TMEM151B: variants seen among roughly 807,000 people sequenced by gnomAD.
TMEM151B encodes transmembrane protein 193.
TMEM151B carries 18 observed loss-of-function variants against 33.0 expected under a neutral mutation model. The ratio of observed to expected loss-of-function variants is 0.55; its 90% CI spans 0.38 to 0.81. The LOEUF is 0.81. TMEM151B is among the 30% of genes least tolerant of loss of function. The probability of loss-of-function intolerance (pLI) is 0.00; values close to 1 mark genes in which losing one functional copy is unlikely to be tolerated. For missense variants in TMEM151B, 672 were observed against 843.4 expected, an observed-to-expected ratio of 0.80 and a Z score of 2.52; for synonymous variants, 354 against 373.6, an observed-to-expected ratio of 0.95 and a Z score of 0.61.
chr6:44,275,600 A>T lies in TMEM151B; in HGVS notation c.774A>T (p.Ala258=). ...AYLCQRARFF[A]ENEGLDDYME... The stretch of plus-strand genomic sequence containing the variant: ...TGTGCCAGCGCGCGCGCTTCTTCGC[A>T]GAGAACGAGGGCCTAGACGACTACA... The change falls in exon 3 of 3, where the codon GCA becomes GCT. Residue 258 remains alanine, a synonymous_variant. Coordinates refer to ENST00000451188, the MANE Select transcript of TMEM151B (RefSeq NM_001137560.2). 5 of 1,551,084 alleles carry T rather than the reference A, an allele frequency of 3.2e-6. No individual in the cohort carries two copies. The highest frequency in any genetic ancestry group is 4.4e-6 in the Non-Finnish European group (5 of 1,146,714).
intron 1 of TMEM151B, among the ~76,000 whole-genome samples, chr6:44,272,243 T>C (rs1188621026): frequency 6.6e-6 from 1 of 152,148 alleles, no homozygotes; most frequent in Non-Finnish European, 1.5e-5. Context: ...CCACATCCCC[T>C]ATGCCTGTCC....
In TMEM151B at chr6:44,275,675, C is replaced by T; in HGVS notation, c.849C>T (p.Phe283=). 6.4e-7 allele frequency: 1 copy of T among 1,551,150 alleles called. No individual in the cohort carries two copies. The highest frequency in any genetic ancestry group is 2.4e-5 in the East Asian group (1 of 40,904). ...MHLKNVDFRE[F]MVAFPDPARP... The stretch of plus-strand genomic sequence containing the variant: ...TCAAGAACGTGGACTTCCGTGAGTT[C>T]ATGGTGGCCTTCCCGGACCCGGCCC... Residue 283 remains phenylalanine (F), a synonymous_variant, in exon 3 of 3, where the codon TTC becomes TTT. Transcript: ENST00000451188.
intron 1 of TMEM151B, 122 bp from the exon 2 acceptor site, chr6:44,272,944 T>C (rs1451786268): frequency 3.4e-5 from 29 of 844,130 alleles, no homozygotes; most frequent in Non-Finnish European, 5.4e-6. Context: ...TCCCTGTTTC[T>C]CTCTGCCTGT....
intron 1 of TMEM151B, among the ~76,000 whole-genome samples, chr6:44,271,646 C>T (rs570862796): frequency 7.2e-5 from 11 of 152,148 alleles, no homozygotes; most frequent in African/African-American, 2.4e-4. Context: ...CGAAGGGGCC[C>T]GTATGTTCAT....
In TMEM151B at chr6:44,279,366, G is replaced by T. The variant is rs1782723876; in HGVS notation, c.*2839G>T. ...CTGTCAATTGGGTGCATCACACTGT[G>T]GCCTTTTTGTCGTGGATTTAAGCGC... On this transcript the variant is annotated 3_prime_UTR_variant, in exon 3 of 3. Coordinates refer to ENST00000451188, the MANE Select transcript of TMEM151B (RefSeq NM_001137560.2). 6.6e-6 allele frequency: 1 copy of T among 152,274 alleles called. No individual in the cohort carries two copies. The highest frequency in any genetic ancestry group is 2.4e-5 in the African/African-American group (1 of 41,432). The allele number at this position is 152,274 out of a possible 1,614,324, so 9.4% of individuals were successfully genotyped here. A position where few individuals can be genotyped will look rare whatever the true frequency, so the allele number is the denominator to read the frequency against.
At chr6:44,275,379 C>A (rs1012626543) in intron 2 of TMEM151B, 24 bp from the exon 3 acceptor site, 2 of 1,474,654 alleles carry the variant, frequency 1.4e-6, no homozygotes, top group Admixed American at 2.4e-5. Flanking sequence ...CCCGCGACCC[C>A]GCCGCCTGCC....
In TMEM151B at chr6:44,277,224, C is replaced by T. The variant is rs1782628229; in HGVS notation, c.*697C>T. ...AGAGGGACTGTGCTCACTGCACAGA[C>T]ATCACTCACCTTCCGCTCCCCAGTC... On this transcript the variant is annotated 3_prime_UTR_variant, in exon 3 of 3. Coordinates refer to ENST00000451188, the MANE Select transcript of TMEM151B (RefSeq NM_001137560.2). 1 of 152,374 alleles carries T rather than the reference C, an allele frequency of 6.6e-6. No homozygotes were observed. The allele number at this position is 152,374 out of a possible 1,614,324, so 9.4% of individuals were successfully genotyped here.
intron 1 of TMEM151B, among the ~76,000 whole-genome samples, chr6:44,271,361 G>A (rs1448591979): frequency 1.5e-5 from 1 of 68,386 alleles, no homozygotes; most frequent in East Asian, 3.2e-4. Context: ...GTGTGTGTGT[G>A]TGTGTGTGGG....
At chr6:44,271,262 G>A (rs1386990284) in intron 1 of TMEM151B, among the ~76,000 whole-genome samples, 1 of 151,518 alleles carries the variant, frequency 6.6e-6, no homozygotes, top group African/African-American at 2.4e-5. Context: ...AGAACGAGGA[G>A]GGTACCATGG....
chr6:44,271,076 G>A (rs1490312207), intron 1 of TMEM151B, among the ~76,000 whole-genome samples, 199 bp downstream of exon 1: 2 of 150,960 alleles, frequency 1.3e-5, no homozygotes. Flanking sequence ...GGCCGCGCCG[G>A]GGGCGGGGCT....
Position 44,278,256 on chromosome 6 carries a change from AG to A in TMEM151B, c.*1731del, listed in dbSNP as rs902118967. 1 of 154,946 alleles carries A rather than the reference AG, an allele frequency of 6.5e-6. No homozygotes were observed. Among genetic ancestry groups the A allele is most frequent in the African/African-American group, 2.4e-5 (1 of 41,606 alleles). 9.6% of individuals were successfully genotyped at this position (154,946 alleles called of 1,614,324 possible). A position where few individuals can be genotyped will look rare whatever the true frequency, so the allele number is the denominator to read the frequency against. ...TTCTAAAGGGTTTAGCTTTACTTTCAGGTAGAGATGGCTGAGTGAGGAGGGA... is the reference window on the plus strand; with the variant it reads ...TTCTAAAGGGTTTAGCTTTACTTTCAGTAGAGATGGCTGAGTGAGGAGGGA... On this transcript the variant is annotated 3_prime_UTR_variant, in exon 3 of 3. Coordinates refer to ENST00000451188, the MANE Select transcript of TMEM151B (RefSeq NM_001137560.2).
Position 44,276,413 on chromosome 6 carries a change from C to T in TMEM151B, c.1587C>T (p.Pro529=), listed in dbSNP as rs1261520704. 3.3e-6 allele frequency: 5 copies of T among 1,513,194 alleles called. No individual in the cohort carries two copies. The highest frequency in any genetic ancestry group is 4.4e-6 in the Non-Finnish European group (5 of 1,136,030). The allele number at this position is 1,513,194 out of a possible 1,614,324, so 93.7% of individuals were successfully genotyped here. A position where few individuals can be genotyped will look rare whatever the true frequency, so the allele number is the denominator to read the frequency against. ...AGGAGGAGGCCGGGCCGCCGCCGCC[C>T]TACCACGACGCCCTCTACTTTCCGG... ...DDEEEAGPPP[P]YHDALYFPVL... is the part of the protein sequence containing the mutation. Residue 529 remains proline (P), a synonymous_variant, in exon 3 of 3, where the codon CCC becomes CCT. Transcript: ENST00000451188.
At chr6:44,275,263 C>T in intron 2 of TMEM151B, 140 bp from the exon 3 acceptor site, 1 of 1,413,328 alleles carries the variant, frequency 7.1e-7, no homozygotes, top group East Asian at 2.5e-5. Context: ...TAACCAGCTC[C>T]AGCCGGCACC....
chr6:44,270,512 ACACCCGCCCCCGGCCC>A lies in TMEM151B; in HGVS notation c.-229_-214del, dbSNP rs1782277268. 5.8e-6 allele frequency: 1 copy of A among 171,278 alleles called. No homozygotes were observed. The highest frequency in any genetic ancestry group is 2.5e-5 in the African/African-American group (1 of 39,950). 10.6% of individuals were successfully genotyped at this position (171,278 alleles called of 1,614,324 possible). A position where few individuals can be genotyped will look rare whatever the true frequency, so the allele number is the denominator to read the frequency against. Reference sequence around the variant, plus strand: ...GCGGCGCCGCGAGGGCCTCAAGGTGACACCCGCCCCCGGCCCCGGCCCCCCCCGGCCCGGCCCCCCA... The same window carrying A: ...GCGGCGCCGCGAGGGCCTCAAGGTGACGGCCCCCCCCGGCCCGGCCCCCCA... On this transcript the variant is annotated 5_prime_UTR_variant, in exon 1 of 3. Transcript: ENST00000451188.
intron 2 of TMEM151B, among the ~76,000 whole-genome samples, chr6:44,275,104 C>G (rs1782519152): frequency 7.6e-6 from 1 of 131,422 alleles, no homozygotes; most frequent in South Asian, 2.4e-4. Flanking sequence ...GGCGACAGAG[C>G]CAGACTCCAT....
rs1346666572 is a variant in TMEM151B at position 44,277,619 on chromosome 6, A to G, written c.*1092A>G. 3 of 152,166 alleles carry G rather than the reference A, an allele frequency of 2.0e-5. No individual in the cohort carries two copies. The highest frequency in any genetic ancestry group is 7.2e-5 in the African/African-American group (3 of 41,392). The allele number at this position is 152,166 out of a possible 1,614,324, so 9.4% of individuals were successfully genotyped here. A position where few individuals can be genotyped will look rare whatever the true frequency, so the allele number is the denominator to read the frequency against. ...AGGAGTGGAGTGTGCTTGTCGCTCA[A>G]ACACATCTCTGGGGGACTGAGGACG... On this transcript the variant is annotated 3_prime_UTR_variant, in exon 3 of 3. Transcript: ENST00000451188.
At chr6:44,271,139 G>A (rs943468541) in intron 1 of TMEM151B, among the ~76,000 whole-genome samples, 1 of 151,622 alleles carries the variant, frequency 6.6e-6, no homozygotes, top group Non-Finnish European at 1.5e-5. Context: ...GCGGATCCTG[G>A]GCTTATGAGA....
chr6:44,270,773 AGCGCCGCCGGCG>A lies in TMEM151B; in HGVS notation c.35_46del (p.Ala12_Gly15del). On this transcript the variant is annotated inframe_deletion, in exon 1 of 3. Transcript: ENST00000451188. The stretch of plus-strand genomic sequence containing the variant: ...CCCCCCTGGCTCGGCCGCGGGAGAG[AGCGCCGCCGGCG>A]GCGGCGGCGGCGGTGGCGGCCCCGG... 1 of 1,088,994 alleles carries A rather than the reference AGCGCCGCCGGCG, an allele frequency of 9.2e-7. No individual in the cohort carries two copies. The highest frequency in any genetic ancestry group is 1.1e-6 in the Non-Finnish European group (1 of 898,038). The allele number at this position is 1,088,994 out of a possible 1,614,324, so 67.5% of individuals were successfully genotyped here. A position where few individuals can be genotyped will look rare whatever the true frequency, so the allele number is the denominator to read the frequency against.
In TMEM151B at chr6:44,276,389, G is replaced by C. The variant is rs2153338477; in HGVS notation, c.1563G>C (p.Glu521Asp). The part of the protein sequence containing the change: ...ASMGDDEDDD[E>D]EEAGPPPPYH... ...TGGGGGACGACGAGGACGACGACGA[G>C]GAGGAGGCCGGGCCGCCGCCGCCCT... Residue 521 changes from glutamate to aspartate, a missense_variant, in exon 3 of 3, where the codon GAG becomes GAC. Physicochemically the swap from Glu to Asp is conservative, Grantham distance 45. This residue lies in a region of TMEM151B where 324 missense variants were observed against 363.1 expected (regional missense o/e 0.89). Transcript: ENST00000451188. The C allele has an allele frequency of 5.9e-6, 9 of 1,515,276 alleles. No individual in the cohort carries two copies. Among genetic ancestry groups the C allele is most frequent in the Non-Finnish European group, 7.0e-6 (8 of 1,137,168 alleles). The allele number at this position is 1,515,276 out of a possible 1,614,324, so 93.9% of individuals were successfully genotyped here.
Sources: allele counts gnomAD v4.1 joint callset (sites outside exome capture counted in the v4.1 genomes callset), GRCh38; gene constraint gnomAD v4.1.1; regional missense constraint gnomAD v4.1.1; transcripts MANE v1.5; gene names NCBI Gene and HGNC (gene_info 2026-07-23, HGNC 2026-07-21).